Variants in ARK2C observed in about 807,000 individuals in gnomAD.
The protein encoded by ARK2C is E3 ubiquitin-protein ligase ARK2C.
the ARK2C span, chr18:46,447,697 G>A: frequency 6.2e-7 from 1 of 1,614,132 alleles, no homozygotes; most frequent in Non-Finnish European, 8.5e-7. Flanking sequence ...CAGATGGTAA[G>A]TGAAAGAAGA....
At chr18:46,433,341 C>T in the ARK2C span, 1 of 1,612,752 alleles carries the variant, frequency 6.2e-7, no homozygotes, top group Non-Finnish European at 8.5e-7. Context: ...TGGCCCCGGC[C>T]CACCAGCACA....
chr18:46,400,623 C>T, the ARK2C span, among the ~76,000 whole-genome samples: 1 of 152,178 alleles, frequency 6.6e-6, no homozygotes, highest in Middle Eastern at 3.2e-3. Flanking sequence ...CTCCCCCATT[C>T]TCACAGGTCT....
chr18:46,439,645 T>G, the ARK2C span, among the ~76,000 whole-genome samples: 1 of 152,170 alleles, frequency 6.6e-6, no homozygotes, highest in African/African-American at 2.4e-5. Context: ...TTGGTGCCCA[T>G]AGAGGTAAAA....
At chr18:46,376,590 AC>A in the ARK2C span, among the ~76,000 whole-genome samples, 28 of 150,422 alleles carry the variant, frequency 1.9e-4, no homozygotes, top group Non-Finnish European at 3.7e-4. Context: ...TGCCCCTGTG[AC>A]TTGGAAAGAA....
chr18:46,374,794 A>C, the ARK2C span, among the ~76,000 whole-genome samples: 2 of 152,210 alleles, frequency 1.3e-5, no homozygotes, highest in Non-Finnish European at 2.9e-5. Flanking sequence ...CCTACACCCC[A>C]AGCCTGGCAT....
chr18:46,419,383 G>A, the ARK2C span, among the ~76,000 whole-genome samples: 7 of 152,138 alleles, frequency 4.6e-5, no homozygotes, highest in Admixed American at 4.6e-4. Context: ...GGAGGTGGGG[G>A]AACTTCATAG....
chr18:46,449,341 T>C, the ARK2C span, among the ~76,000 whole-genome samples: 1 of 151,670 alleles, frequency 6.6e-6, no homozygotes, highest in African/African-American at 2.4e-5. Context: ...AGCATGGAGG[T>C]TTTTTTTGCA....
chr18:46,454,631 A>G, the ARK2C span, among the ~76,000 whole-genome samples: 8 of 152,228 alleles, frequency 5.3e-5, no homozygotes, highest in African/African-American at 1.7e-4. Context: ...TTAGGACCAG[A>G]GGCCAGAGAA....
At chr18:46,388,350 TA>T in the ARK2C span, among the ~76,000 whole-genome samples, 1 of 152,226 alleles carries the variant, frequency 6.6e-6, no homozygotes, top group African/African-American at 2.4e-5. Context: ...AAACCTTGTT[TA>T]ACTTTTTCAA....
the ARK2C span, among the ~76,000 whole-genome samples, chr18:46,431,749 C>G: frequency 6.6e-6 from 1 of 152,216 alleles, no homozygotes; most frequent in South Asian, 2.1e-4. Context: ...AGGGGAGGAG[C>G]CCTGGGCAGA....
the ARK2C span, among the ~76,000 whole-genome samples, chr18:46,437,448 GAGTGTGTCTGTTGC>G: frequency 9.9e-5 from 15 of 152,146 alleles, no homozygotes; most frequent in Admixed American, 9.8e-4. Context: ...AGCCCTGGGG[GAGTGTGTCTGTTGC>G]ATCCCCTATC....
At chr18:46,439,234 G>T in the ARK2C span, among the ~76,000 whole-genome samples, 1 of 152,226 alleles carries the variant, frequency 6.6e-6, no homozygotes, top group African/African-American at 2.4e-5. Flanking sequence ...TGATGGCTTT[G>T]TTGGGTTTTT....
the ARK2C span, among the ~76,000 whole-genome samples, chr18:46,439,445 C>T: frequency 1.2e-4 from 18 of 152,190 alleles, no homozygotes; most frequent in Non-Finnish European, 4.4e-5. Context: ...GAGGTTGAAC[C>T]TTCTGAGGCC....
the ARK2C span, among the ~76,000 whole-genome samples, chr18:46,344,612 A>T: frequency 7.9e-5 from 12 of 152,062 alleles, no homozygotes; most frequent in East Asian, 2.1e-3. Context: ...TCCACAGGGG[A>T]CCTCGGCATC....
chr18:46,402,400 G>A, the ARK2C span, among the ~76,000 whole-genome samples: 2 of 152,336 alleles, frequency 1.3e-5, no homozygotes, highest in East Asian at 3.9e-4. Context: ...TTTAATTTCA[G>A]ATAAAATGAA....
At chr18:46,456,112 C>T in the ARK2C span, 1 of 1,322,160 alleles carries the variant, frequency 7.6e-7, no homozygotes, top group East Asian at 2.4e-5. Context: ...TCCCTCTCCC[C>T]TCTCTTATAG....
At chr18:46,461,020 C>G in the ARK2C span, 1 of 152,268 alleles carries the variant, frequency 6.6e-6, no homozygotes, top group Non-Finnish European at 1.5e-5. Context: ...AGTCTTGGGG[C>G]ACTAGAGGCC....
the ARK2C span, among the ~76,000 whole-genome samples, chr18:46,418,485 A>T: frequency 2.0e-5 from 3 of 152,228 alleles, no homozygotes; most frequent in Non-Finnish European, 4.4e-5. Context: ...TGTTTGCACT[A>T]AGTCTCTGAT....
the ARK2C span, among the ~76,000 whole-genome samples, chr18:46,420,845 T>TA: frequency 5.8e-3 from 850 of 145,850 alleles, 6 homozygotes; most frequent in African/African-American, 0.019. Context: ...GACTCCATCT[T>TA]AAAAAAAAAA....
Sources: gnomAD v4.1 joint callset for allele counts (sites outside exome capture counted in the v4.1 genomes callset) on GRCh38, gnomAD v4.1.1 for gene constraint, MANE v1.5 for transcripts, NCBI Gene and HGNC (gene_info 2026-07-23, HGNC 2026-07-21) for gene names.